EIF2S3B: variants seen among roughly 807,000 people sequenced by gnomAD.
The protein encoded by EIF2S3B is eukaryotic translation initiation factor 2 subunit 3B.
EIF2S3B carries 16 observed loss-of-function variants against 26.4 expected under a neutral mutation model. That is an observed-to-expected ratio of 0.61 (90% CI 0.41 to 0.92). The LOEUF (loss-of-function observed/expected upper bound fraction) is 0.92. EIF2S3B is among the 40% of genes least tolerant of loss of function. The pLI, the probability that EIF2S3B is intolerant of heterozygous loss-of-function variation, is 0.00. For synonymous variants in EIF2S3B, 183 were observed against 204.4 expected, an observed-to-expected ratio of 0.90 and a Z score of 0.89; for missense variants, 510 against 575.5, an observed-to-expected ratio of 0.89 and a Z score of 1.16.
Position 10,520,766 on chromosome 12 carries a change from C to A in EIF2S3B, c.1309-1837C>A, listed in dbSNP as rs183506702. On this transcript the variant is annotated intron_variant, in intron 1 of 1. Coordinates refer to the EIF2S3B transcript ENST00000322446. ...GCAGTCAAAGAACACAGCAAGAATCCTTTCGAACAGCATAATTCTTCAGTT... is the reference window on the plus strand; with the variant it reads ...GCAGTCAAAGAACACAGCAAGAATCATTTCGAACAGCATAATTCTTCAGTT... Among the ~76,000 whole-genome samples, 676 of 152,232 alleles carry A rather than the reference C, an allele frequency of 4.4e-3. 3 individuals carry two copies. Among genetic ancestry groups the A allele is most frequent in the Non-Finnish European group, 7.0e-3 (478 of 68,022 alleles).
intron 1 of EIF2S3B, among the ~76,000 whole-genome samples, chr12:10,519,006 T>C (rs1864798363): frequency 6.6e-6 from 1 of 150,748 alleles, no homozygotes; most frequent in African/African-American, 2.4e-5. Context: ...TGGAAAAAAC[T>C]ACTTTAAAGT....
In EIF2S3B at chr12:10,506,266, G is replaced by A. The variant is rs994135004; in HGVS notation, c.364G>A (p.Gly122Arg). ...EFPTDIPGTKGNFRLVRHVSF... is the reference protein window; with the variant it reads ...EFPTDIPGTKRNFRLVRHVSF... ...TCCTACAGACATTCCAGGAACCAAA[G>A]GGAACTTCAGATTAGTCAGACATGT... Residue 122 changes from glycine (G) to arginine (R), a missense_variant, in exon 1 of 1, where the codon GGG becomes AGG. Physicochemically the swap from Gly to Arg is moderately radical, Grantham distance 125. Coordinates refer to ENST00000538173, the MANE Select transcript of EIF2S3B (RefSeq NM_001357734.3). 2 of 1,613,408 alleles carry A rather than the reference G, an allele frequency of 1.2e-6. No homozygotes were observed. The highest frequency in any genetic ancestry group is 1.7e-6 in the Non-Finnish European group (2 of 1,179,350).
rs1443131169 is a variant in EIF2S3B, at chr12:10,508,366, A to T, written c.*1045A>T. Among the ~76,000 whole-genome samples the T allele has an allele frequency of 6.6e-6, 1 of 152,016 alleles. No individual in the cohort carries two copies. The highest frequency in any genetic ancestry group is 2.4e-5 in the African/African-American group (1 of 41,380). On this transcript the variant is annotated 3_prime_UTR_variant, in exon 1 of 1. Transcript: ENST00000538173. Reference sequence around the variant, plus strand: ...AAATCCAATAGTCTTCCTCCATTGGAAAATACTGTTATACCAAATAATTCT... The same window carrying T: ...AAATCCAATAGTCTTCCTCCATTGGTAAATACTGTTATACCAAATAATTCT...
intron 1 of EIF2S3B, among the ~76,000 whole-genome samples, chr12:10,517,451 G>C (rs1005404925): frequency 1.3e-5 from 2 of 152,060 alleles, no homozygotes; most frequent in African/African-American, 4.8e-5. Context: ...TGGGAATGGT[G>C]GTGATATCCC....
chr12:10,514,447 G>A lies in EIF2S3B; in HGVS notation c.1308+7237G>A, dbSNP rs144934890. Among the ~76,000 whole-genome samples the A allele has an allele frequency of 5.1e-4, 77 of 151,986 alleles. 1 individual carries two copies. Among genetic ancestry groups the A allele is most frequent in the African/African-American group, 1.8e-3 (74 of 41,438 alleles). On this transcript the variant is annotated intron_variant, in intron 1 of 1. Transcript: ENST00000322446. ...GATAATTCCACAATTTATATATCCA[G>A]TCTAGGTATCTCTCTTGATCTCAGA...
At chr12:10,515,345 A>T (rs529741547) in intron 1 of EIF2S3B, among the ~76,000 whole-genome samples, 4 of 152,052 alleles carry the variant, frequency 2.6e-5, no homozygotes, top group African/African-American at 9.7e-5. Context: ...GCTCATTGAA[A>T]GCTGATAATT....
At chr12:10,518,253 G>A (rs1864787116) in intron 1 of EIF2S3B, among the ~76,000 whole-genome samples, 3 of 152,122 alleles carry the variant, frequency 2.0e-5, no homozygotes, top group South Asian at 4.2e-4. Flanking sequence ...AAGTCTCTTT[G>A]TAGGTCACTC....
chr12:10,518,020 T>C (rs2137954094), intron 1 of EIF2S3B, among the ~76,000 whole-genome samples: 1 of 152,024 alleles, frequency 6.6e-6, no homozygotes, highest in East Asian at 1.9e-4. Flanking sequence ...TGAGGAGAGC[T>C]TTACTTCCAA....
At chr12:10,515,768 T>C (rs1366882688) in intron 1 of EIF2S3B, among the ~76,000 whole-genome samples, 1 of 151,792 alleles carries the variant, frequency 6.6e-6, no homozygotes, top group African/African-American at 2.4e-5. Flanking sequence ...CTTAGTGTTA[T>C]TTTATATATA....
Position 10,506,733 on chromosome 12 carries a change from T to G in EIF2S3B, c.831T>G (p.Gly277=). 6.2e-7 allele frequency: 1 copy of G among 1,613,730 alleles called. No individual in the cohort carries two copies. Among genetic ancestry groups the G allele is most frequent in the South Asian group, 1.1e-5 (1 of 91,042 alleles). The stretch of plus-strand genomic sequence containing the variant: ...GTGAAGTTGATGACCTTAAGGGAGG[T>G]GTAGCTGGTGGTAGTATCCTAAAAG... ...PGCEVDDLKG[G]VAGGSILKGV... The change falls in exon 1 of 1, where the codon GGT becomes GGG. Residue 277 remains glycine, a synonymous_variant. Transcript: ENST00000538173.
downstream of EIF2S3B, among the ~76,000 whole-genome samples, chr12:10,508,525 C>CAAAAA: frequency 7.5e-4 from 47 of 63,002 alleles, no homozygotes; most frequent in East Asian, 2.2e-3. Flanking sequence ...TGTTAGAAAG[C>CAAAAA]AAAAAAAAAA....
chr12:10,515,377 C>T (rs1864744595), intron 1 of EIF2S3B, among the ~76,000 whole-genome samples: 1 of 151,946 alleles, frequency 6.6e-6, no homozygotes, highest in African/African-American at 2.4e-5. Context: ...TCTGTATCAT[C>T]GGTGCCATAT....
At chr12:10,519,993 A>T (rs1212540565) in intron 1 of EIF2S3B, among the ~76,000 whole-genome samples, 2 of 151,902 alleles carry the variant, frequency 1.3e-5, no homozygotes, top group Non-Finnish European at 2.9e-5. Context: ...CATTTGACCC[A>T]GCCATCCCAT....
At chr12:10,514,612 A>G (rs1864736561) in intron 1 of EIF2S3B, among the ~76,000 whole-genome samples, 1 of 152,160 alleles carries the variant, frequency 6.6e-6, no homozygotes, top group Non-Finnish European at 1.5e-5. Flanking sequence ...CACAACAAAC[A>G]TAGTTTAATG....
chr12:10,522,185 C>G (rs933222283), intron 1 of EIF2S3B, among the ~76,000 whole-genome samples: 16 of 152,170 alleles, frequency 1.1e-4, no homozygotes, highest in African/African-American at 3.1e-4. Context: ...TTCCATAACA[C>G]ATAGCCTGGT....
chr12:10,516,316 T>A (rs751865577), intron 1 of EIF2S3B, among the ~76,000 whole-genome samples: 41 of 152,094 alleles, frequency 2.7e-4, no homozygotes, highest in Non-Finnish European at 4.1e-4. Context: ...TACTCATGCA[T>A]ATATCGTAAG....
rs1864643469 is a variant in EIF2S3B at position 10,507,114 on chromosome 12, C to T, written c.1212C>T (p.Leu404=). The change falls in exon 1 of 1, where the codon CTC becomes CTT. Residue 404 remains leucine, a synonymous_variant. Transcript: ENST00000538173. The part of the protein sequence containing the change: ...KVQKLSKNEV[L]MVNIGSLSTG... ...AAAAGCTGTCTAAGAATGAAGTGCT[C>T]ATGGTGAACATAGGATCCCTGTCGA... 2.5e-6 allele frequency: 4 copies of T among 1,613,776 alleles called. No homozygotes were observed. The highest frequency in any genetic ancestry group is 3.4e-6 in the Non-Finnish European group (4 of 1,179,698).
At position 10,506,777 on chromosome 12, in the gene EIF2S3B, A is replaced by G. The variant is rs767492592; in HGVS notation, c.875A>G (p.Gln292Arg). ...SILKGVLKVG[Q>R]ETEVRPGIVS... ...CTAAAAGGAGTATTAAAGGTGGGCCAGGAGACAGAAGTAAGACCTGGTATT... is the reference window on the plus strand; with the variant it reads ...CTAAAAGGAGTATTAAAGGTGGGCCGGGAGACAGAAGTAAGACCTGGTATT... The change falls in exon 1 of 1, where the codon CAG (glutamine) becomes CGG (arginine). Residue 292 changes from glutamine (Q) to arginine (R), a missense_variant. By Grantham distance (43) the Gln-to-Arg change is conservative. Coordinates refer to ENST00000538173, the MANE Select transcript of EIF2S3B (RefSeq NM_001357734.3). The G allele has an allele frequency of 6.2e-7, 1 of 1,613,924 alleles. No homozygotes were observed. Among genetic ancestry groups the G allele is most frequent in the Non-Finnish European group, 8.5e-7 (1 of 1,179,766 alleles).
intron 1 of EIF2S3B, among the ~76,000 whole-genome samples, chr12:10,518,897 G>A (rs1250863460): frequency 6.6e-6 from 1 of 152,132 alleles, no homozygotes; most frequent in Admixed American, 6.6e-5. Flanking sequence ...ATGCTCATGG[G>A]TAGGAAGAAT....
Sources: allele counts gnomAD v4.1 joint callset (sites outside exome capture counted in the v4.1 genomes callset), GRCh38; gene constraint gnomAD v4.1.1; transcripts MANE v1.5; gene names NCBI Gene and HGNC (gene_info 2026-07-23, HGNC 2026-07-21).